CCSER1: variants seen among roughly 807,000 people sequenced by gnomAD.
CCSER1 encodes serine-rich coiled-coil domain-containing protein 1.
In CCSER1, 41 loss-of-function variants were observed where a neutral mutation model predicts 82.0. The ratio of observed to expected loss-of-function variants is 0.50; its 90% CI spans 0.39 to 0.65. CCSER1 has a LOEUF of 0.65. Among genes scored for constraint, CCSER1 ranks in the 30% least tolerant of loss-of-function variants. The pLI is 0.00. For synonymous variants in CCSER1, 414 were observed against 383.9 expected (o/e 1.08, Z -0.92); for missense variants, 1,119 against 1,064.2 (o/e 1.05, Z -0.72).
intron 10 of CCSER1, among the ~76,000 whole-genome samples, chr4:91,454,608 C>T (rs887223061): frequency 6.6e-6 from 1 of 151,958 alleles, no homozygotes; most frequent in Non-Finnish European, 1.5e-5. Context: ...TTTGAGGGGA[C>T]ATTTTATTCA....
At chr4:91,333,986 G>A (rs371966125) in intron 10 of CCSER1, among the ~76,000 whole-genome samples, 45 of 152,154 alleles carry the variant, frequency 3.0e-4, no homozygotes, top group East Asian at 2.7e-3. Flanking sequence ...TTATTAATGT[G>A]TTTTGGAAAA....
At chr4:90,537,397 A>T (rs189428180) in intron 5 of CCSER1, among the ~76,000 whole-genome samples, 1 of 151,116 alleles carries the variant, frequency 6.6e-6, no homozygotes, top group Non-Finnish European at 1.5e-5. Flanking sequence ...GTTTTTTCTC[A>T]TTTGGACATT....
intron 6 of CCSER1, among the ~76,000 whole-genome samples, chr4:90,704,337 A>G (rs1738829937): frequency 6.6e-6 from 1 of 152,192 alleles, no homozygotes; most frequent in Non-Finnish European, 1.5e-5. Context: ...TTCTGCCGAG[A>G]TATCAGCTGT....
intron 6 of CCSER1, among the ~76,000 whole-genome samples, chr4:90,686,915 CA>C (rs1190434985): frequency 6.6e-6 from 1 of 152,120 alleles, no homozygotes; most frequent in African/African-American, 2.4e-5. Flanking sequence ...CAACAAGTAA[CA>C]GAAGACATTA....
At chr4:90,271,761 C>A (rs954865956) in intron 1 of CCSER1, among the ~76,000 whole-genome samples, 1 of 134,142 alleles carries the variant, frequency 7.5e-6, no homozygotes, top group African/African-American at 2.8e-5. Flanking sequence ...GAATTAATAA[C>A]CAGATTATAT....
intron 10 of CCSER1, among the ~76,000 whole-genome samples, chr4:91,337,979 T>C (rs1042985075): frequency 2.0e-5 from 3 of 152,160 alleles, no homozygotes; most frequent in Admixed American, 2.0e-4. Context: ...GCCCCAGCCT[T>C]GTAAGTTCCT....
chr4:90,401,452 A>G (rs1448063483), intron 4 of CCSER1, among the ~76,000 whole-genome samples: 1 of 152,214 alleles, frequency 6.6e-6, no homozygotes, highest in Non-Finnish European at 1.5e-5. Context: ...TGAATATACA[A>G]TGGTTTACCG....
chr4:90,867,011 GA>G (rs1765819990), intron 8 of CCSER1, among the ~76,000 whole-genome samples: 1 of 152,160 alleles, frequency 6.6e-6, no homozygotes, highest in South Asian at 2.1e-4. Context: ...ATAGGCCACG[GA>G]CTGGTACAGG....
At chr4:91,259,753 C>A (rs1740967812) in intron 10 of CCSER1, among the ~76,000 whole-genome samples, 1 of 152,104 alleles carries the variant, frequency 6.6e-6, no homozygotes, top group African/African-American at 2.4e-5. Context: ...CATCCATGTC[C>A]CTGCAGAGGA....
chr4:90,228,805 C>T (rs573776627), intron 1 of CCSER1, among the ~76,000 whole-genome samples: 62 of 152,170 alleles, frequency 4.1e-4, no homozygotes, highest in Non-Finnish European at 6.6e-4. Flanking sequence ...GACCAAGGCT[C>T]GAGAACTACG....
intron 7 of CCSER1, among the ~76,000 whole-genome samples, chr4:90,774,169 G>C (rs751227990): frequency 1.3e-5 from 2 of 152,026 alleles, no homozygotes; most frequent in Non-Finnish European, 2.9e-5. Flanking sequence ...TTTGATCTCA[G>C]GTTAAAAGAA....
At chr4:90,777,649 A>T (rs1008349565) in intron 7 of CCSER1, among the ~76,000 whole-genome samples, 3 of 152,140 alleles carry the variant, frequency 2.0e-5, no homozygotes, top group Admixed American at 2.0e-4. Context: ...TACAATATAG[A>T]TATTAATATC....
rs1237693546 is a variant in CCSER1 at position 90,923,381 on chromosome 4, G to A, written c.2106G>A (p.Arg702=). 1 of 1,551,148 alleles carries A rather than the reference G, an allele frequency of 6.4e-7. No individual in the cohort carries two copies. The highest frequency in any genetic ancestry group is 1.4e-5 in the African/African-American group (1 of 73,014). ...TTTTCATTTTGCAGGGAAAAGTCCG[G>A]CATTTACAGAAGGCTTTTGCTTCAA... ...SQLQEELGKV[R]HLQKAFASRV... Residue 702 remains arginine (R), a synonymous_variant, in exon 9 of 11, where the codon CGG becomes CGA. Transcript: ENST00000509176.
chr4:90,254,468 A>G (rs1219459113), intron 1 of CCSER1, among the ~76,000 whole-genome samples: 2 of 152,182 alleles, frequency 1.3e-5, no homozygotes. Context: ...GCTCAGTATT[A>G]TCAGCCAGCT....
chr4:90,484,329 A>C (rs1766618564), intron 5 of CCSER1, among the ~76,000 whole-genome samples: 1 of 152,050 alleles, frequency 6.6e-6, no homozygotes, highest in Non-Finnish European at 1.5e-5. Context: ...TTCCTCCTTT[A>C]GCTCGGAGTA....
At chr4:91,035,643 A>AAAAAAAGCT (rs1741370912) in intron 9 of CCSER1, among the ~76,000 whole-genome samples, 1 of 152,084 alleles carries the variant, frequency 6.6e-6, no homozygotes, top group African/African-American at 2.4e-5. Context: ...ATCTTTTTTT[A>AAAAAAAGCT]AAAAAAGCTA....
At chr4:90,579,303 C>G (rs919210817) in intron 5 of CCSER1, among the ~76,000 whole-genome samples, 2 of 152,258 alleles carry the variant, frequency 1.3e-5, no homozygotes, top group African/African-American at 4.8e-5. Flanking sequence ...GTAATCAACA[C>G]AGTCATTTTG....
At chr4:91,233,071 TTC>T (rs940768887) in intron 10 of CCSER1, among the ~76,000 whole-genome samples, 3 of 151,722 alleles carry the variant, frequency 2.0e-5, no homozygotes, top group African/African-American at 7.3e-5. Context: ...CTTTATATGC[TTC>T]TCTGTTTGGA....
intron 4 of CCSER1, among the ~76,000 whole-genome samples, chr4:90,444,957 T>C (rs1760438600): frequency 6.6e-6 from 1 of 152,034 alleles, no homozygotes. Context: ...AGTTCCAAAA[T>C]GGTATTTACT....
Sources: allele counts gnomAD v4.1 joint callset (sites outside exome capture counted in the v4.1 genomes callset), GRCh38; gene constraint gnomAD v4.1.1; transcripts MANE v1.5; gene names NCBI Gene and HGNC (gene_info 2026-07-23, HGNC 2026-07-21).